Variants in CPN1 observed in about 807,000 individuals in gnomAD.
CPN1 encodes carboxypeptidase N catalytic chain.
A neutral mutation model predicts 46.4 loss-of-function variants in CPN1; 37 were observed. The observed-to-expected ratio is 0.80, with a 90% confidence interval of 0.61 to 1.05. The LOEUF is 1.05. CPN1 is among the 50% of genes least tolerant of loss of function. CPN1 has a pLI of 0.00. For synonymous variants in CPN1, 224 were observed against 235.4 expected, an observed-to-expected ratio of 0.95 and a Z score of 0.44; for missense variants, 563 against 602.6, an observed-to-expected ratio of 0.93 and a Z score of 0.69.
chr10:100,050,276 C>T (rs1209331717), intron 7 of CPN1, among the ~76,000 whole-genome samples: 2 of 152,122 alleles, frequency 1.3e-5, no homozygotes, highest in Non-Finnish European at 2.9e-5. Context: ...ATTGCTGGAC[C>T]GTGAGAGGTG....
At chr10:100,046,048 A>G (rs2041309113) in intron 8 of CPN1, among the ~76,000 whole-genome samples, 1 of 152,202 alleles carries the variant, frequency 6.6e-6, no homozygotes, top group African/African-American at 2.4e-5. Context: ...AATACAACCA[A>G]AACTGAAAAG....
intron 1 of CPN1, among the ~76,000 whole-genome samples, chr10:100,080,206 G>A (rs1400609296): frequency 2.0e-5 from 3 of 152,138 alleles, no homozygotes; most frequent in African/African-American, 7.2e-5. Flanking sequence ...AGGGAGATTT[G>A]AAGTTGAGTT....
chr10:100,043,331 G>T (rs1312443044), intron 8 of CPN1, among the ~76,000 whole-genome samples: 1 of 151,470 alleles, frequency 6.6e-6, no homozygotes, highest in East Asian at 1.9e-4. Context: ...GCAGGCAGAG[G>T]TTACAGAGAG....
Position 100,042,405 on chromosome 10 carries a change from G to A in CPN1, c.*22C>T. 6.2e-7 allele frequency: 1 copy of A among 1,612,464 alleles called. No homozygotes were observed. Among genetic ancestry groups the A allele is most frequent in the Non-Finnish European group, 8.5e-7 (1 of 1,179,918 alleles). On this transcript the variant is annotated 3_prime_UTR_variant, in exon 9 of 9. Coordinates refer to ENST00000370418, the MANE Select transcript of CPN1 (RefSeq NM_001308.3). ...AGAGCAGGAGCAAAGCCTTTCTGAAGGGTTGCCTGGCACTGTGGGTTTCAG... is the reference window on the plus strand; with the variant it reads ...AGAGCAGGAGCAAAGCCTTTCTGAAAGGTTGCCTGGCACTGTGGGTTTCAG...
At chr10:100,063,367 C>G (rs914704096) in intron 5 of CPN1, among the ~76,000 whole-genome samples, 5 of 152,194 alleles carry the variant, frequency 3.3e-5, no homozygotes, top group Non-Finnish European at 5.9e-5. Flanking sequence ...GTGATCCACC[C>G]TCCTCGGCCT....
rs2041279355 is a variant in CPN1 at position 100,042,350 on chromosome 10, T to A, written c.*77A>T. 5 of 1,567,822 alleles carry A rather than the reference T, an allele frequency of 3.2e-6. No individual in the cohort carries two copies. In the Admixed American group the frequency reaches 5.0e-5, roughly 16 times the overall value. On this transcript the variant is annotated 3_prime_UTR_variant, in exon 9 of 9. Transcript: ENST00000370418. ...TTGTATTTAAATATGTCCCAGATAATAAAATAGAAAGAATGCTTGATCTGA... is the reference window on the plus strand; with the variant it reads ...TTGTATTTAAATATGTCCCAGATAAAAAAATAGAAAGAATGCTTGATCTGA...
chr10:100,073,382 T>G (rs2133445936), intron 2 of CPN1, among the ~76,000 whole-genome samples: 1 of 152,290 alleles, frequency 6.6e-6, no homozygotes, highest in Middle Eastern at 3.4e-3. Flanking sequence ...GGTCAATAGT[T>G]AAGTTGGCAG....
chr10:100,058,530 T>C (rs562549114), intron 5 of CPN1, among the ~76,000 whole-genome samples: 1 of 152,322 alleles, frequency 6.6e-6, no homozygotes, highest in East Asian at 1.9e-4. Flanking sequence ...AATATGTTTC[T>C]CATTATTAGG....
chr10:100,081,357 G>A (rs2041543767), intron 1 of CPN1, 46 bp downstream of exon 1: 1 of 1,549,042 alleles, frequency 6.5e-7, no homozygotes, highest in South Asian at 1.2e-5. Flanking sequence ...GATTTGCAAG[G>A]GAAAGGCCCT....
At chr10:100,079,813 G>A (rs1365548125) in intron 1 of CPN1, among the ~76,000 whole-genome samples, 2 of 152,110 alleles carry the variant, frequency 1.3e-5, no homozygotes, top group Admixed American at 6.6e-5. Flanking sequence ...GGCTGGGCAC[G>A]GTGGCTCACG....
chr10:100,053,200 C>T (rs1227050283), intron 7 of CPN1, among the ~76,000 whole-genome samples: 1 of 152,156 alleles, frequency 6.6e-6, no homozygotes, highest in African/African-American at 2.4e-5. Context: ...TTGAATGAAC[C>T]TTTCATGTAA....
At chr10:100,049,108 GC>G (rs1279683311) in intron 7 of CPN1, among the ~76,000 whole-genome samples, 3 of 149,540 alleles carry the variant, frequency 2.0e-5, no homozygotes, top group Admixed American at 6.7e-5. Flanking sequence ...ACAGGTGCGT[GC>G]CACCATGCTC....
intron 2 of CPN1, among the ~76,000 whole-genome samples, chr10:100,073,775 C>A (rs1209788769): frequency 6.6e-6 from 1 of 152,096 alleles, no homozygotes; most frequent in African/African-American, 2.4e-5. Flanking sequence ...GTTACCACGC[C>A]TGGCTAATTT....
rs369102979 is a variant in CPN1, at chr10:100,063,610, T to C, written c.871+4A>G. 15 of 1,606,236 alleles carry C rather than the reference T, an allele frequency of 9.3e-6. No homozygotes were observed. The highest frequency in any genetic ancestry group is 1.3e-5 in the African/African-American group (1 of 74,884). On this transcript the variant is annotated splice_donor_region_variant and intron_variant, in intron 5 of 8. Transcript: ENST00000370418. ...GCTTGAGCAGTTCCCAGGACTCCCC[T>C]TACCCTTGCTGAGAGAATACCAGGA...
chr10:100,076,788 G>C, intron 1 of CPN1, among the ~76,000 whole-genome samples: 1 of 152,146 alleles, frequency 6.6e-6, no homozygotes, highest in Non-Finnish European at 1.5e-5. Context: ...AATAGGATTG[G>C]GGGCAGGACT....
At chr10:100,060,580 G>A (rs534464190) in intron 5 of CPN1, among the ~76,000 whole-genome samples, 2 of 151,988 alleles carry the variant, frequency 1.3e-5, no homozygotes, top group East Asian at 1.9e-4. Flanking sequence ...AATAAATGAA[G>A]ATGAAAAAAA....
At chr10:100,057,988 T>C (rs2041394982) in intron 5 of CPN1, among the ~76,000 whole-genome samples, 1 of 152,176 alleles carries the variant, frequency 6.6e-6, no homozygotes, top group African/African-American at 2.4e-5. Context: ...GTTGGAAACA[T>C]CCAGCACCCC....
chr10:100,063,549 G>A (rs761608626), intron 5 of CPN1, 65 bp downstream of exon 5: 30 of 1,229,028 alleles, frequency 2.4e-5, no homozygotes, highest in Non-Finnish European at 3.3e-5. Context: ...AGAAAACTGG[G>A]AATTTAGAAG....
intron 5 of CPN1, among the ~76,000 whole-genome samples, chr10:100,059,437 T>C (rs2041404654): frequency 6.6e-6 from 1 of 151,840 alleles, no homozygotes; most frequent in African/African-American, 2.4e-5. Flanking sequence ...CTTGATTTTT[T>C]AAATGGGCAA....
Sources: gnomAD v4.1 joint callset for allele counts (sites outside exome capture counted in the v4.1 genomes callset) on GRCh38, gnomAD v4.1.1 for gene constraint, MANE v1.5 for transcripts, NCBI Gene and HGNC (gene_info 2026-07-23, HGNC 2026-07-21) for gene names.